Variants in USP25 observed in about 807,000 individuals in gnomAD.
USP25 encodes the protein ubiquitin specific peptidase 25, also known as ubiquitin carboxyl-terminal hydrolase 25.
USP25 carries 85 observed loss-of-function variants against 158.5 expected under a neutral mutation model. The observed-to-expected ratio is 0.54, with a 90% confidence interval of 0.45 to 0.64. The LOEUF is 0.64. Among genes scored for constraint, USP25 ranks in the 30% least tolerant of loss-of-function variants. The pLI, the probability that USP25 is intolerant of heterozygous loss-of-function variation, is 0.00. For synonymous variants in USP25, 464 were observed against 460.4 expected, an observed-to-expected ratio of 1.01 and a Z score of -0.10; for missense variants, 1,242 against 1,327.3, an observed-to-expected ratio of 0.94 and a Z score of 1.00.
At chr21:15,738,334 C>T (rs2031716661) in intron 1 of USP25, among the ~76,000 whole-genome samples, 1 of 152,074 alleles carries the variant, frequency 6.6e-6, no homozygotes, top group Non-Finnish European at 1.5e-5. Context: ...TCTCTCAAAT[C>T]CTCTGTCTTT....
rs1019942265 is a variant in USP25, at chr21:15,805,009, A to G, written c.643-112A>G. 6 of 1,146,752 alleles carry G rather than the reference A, an allele frequency of 5.2e-6. No individual in the cohort carries two copies. The African/African-American group carries it at 6.4e-5, about 12-fold the overall frequency. The allele number at this position is 1,146,752 out of a possible 1,614,324, so 71.0% of individuals were successfully genotyped here. ...ATGATAGAGTGCTAATTCATCCCTAAACTATATTGGCTAGTTTAATTTTTG... is the reference window on the plus strand; with the variant it reads ...ATGATAGAGTGCTAATTCATCCCTAGACTATATTGGCTAGTTTAATTTTTG... On this transcript the variant is annotated intron_variant, in intron 6 of 25. Coordinates refer to ENST00000400183, the MANE Select transcript of USP25 (RefSeq NM_001283041.3).
At position 15,872,020 on chromosome 21, in the gene USP25, T is replaced by G. The variant is rs1368236276; in HGVS notation, c.2885+1873T>G. 1.4e-3 allele frequency among the ~76,000 whole-genome samples: 201 copies of G among 140,068 alleles called. 2 individuals are homozygous for G. The highest frequency in any genetic ancestry group is 4.7e-3 in the African/African-American group (186 of 39,820). The allele number at this position is 140,068 out of a possible 152,430, so 91.9% of individuals were successfully genotyped here. On this transcript the variant is annotated intron_variant, in intron 23 of 25. Transcript: ENST00000400183. ...AAAAAAAGAAAGAAATACTGTTTTT[T>G]TTTTTTTTTTTTTTTTTTTTACTTT...
intron 1 of USP25, among the ~76,000 whole-genome samples, chr21:15,741,051 C>T (rs184460435): frequency 2.6e-5 from 4 of 152,244 alleles, no homozygotes; most frequent in Admixed American, 2.6e-4. Flanking sequence ...GTCATTATTT[C>T]AGGCAACTGT....
intron 15 of USP25, 78 bp from the exon 16 acceptor site, chr21:15,831,323 T>G: frequency 1.2e-5 from 16 of 1,312,694 alleles, no homozygotes; most frequent in Non-Finnish European, 1.6e-5. Flanking sequence ...TCCAAACAGG[T>G]TGTTTGTGGG....
chr21:15,859,986 TCTATA>T (rs1456857074), intron 20 of USP25, among the ~76,000 whole-genome samples: 2 of 138,876 alleles, frequency 1.4e-5, no homozygotes, highest in African/African-American at 5.6e-5. Context: ...TATATATATA[TCTATA>T]TTTTTTTTTT....
chr21:15,814,454 T>C (rs111269546), intron 9 of USP25, among the ~76,000 whole-genome samples: 12,940 of 97,420 alleles, frequency 0.13, 520 homozygotes, highest in Non-Finnish European at 0.15. Flanking sequence ...CAGAAGAAGA[T>C]AGGAAAATGT....
At chr21:15,746,871 A>G (rs1300011156) in intron 1 of USP25, among the ~76,000 whole-genome samples, 1 of 152,232 alleles carries the variant, frequency 6.6e-6, no homozygotes, top group Non-Finnish European at 1.5e-5. Flanking sequence ...AAAATGTTTA[A>G]TAGAAGTGGT....
At chr21:15,732,733 G>T (rs1213147495) in intron 1 of USP25, among the ~76,000 whole-genome samples, 1 of 152,030 alleles carries the variant, frequency 6.6e-6, no homozygotes, top group Non-Finnish European at 1.5e-5. Context: ...CTTTTATTTT[G>T]CAGATGGATG....
intron 14 of USP25, 98 bp from the exon 15 acceptor site, chr21:15,830,433 C>T: frequency 2.0e-6 from 2 of 982,244 alleles, no homozygotes; most frequent in Non-Finnish European, 1.5e-6. Context: ...GAAAATTTTC[C>T]TATTCCTCTA....
chr21:15,731,964 T>A, intron 1 of USP25, among the ~76,000 whole-genome samples: 1 of 152,228 alleles, frequency 6.6e-6, no homozygotes. Flanking sequence ...AATTTTTCAC[T>A]TCCTAAGTTT....
chr21:15,811,058 AT>A, intron 8 of USP25, 78 bp from the exon 9 acceptor site: 1 of 1,275,652 alleles, frequency 7.8e-7, no homozygotes, highest in Non-Finnish European at 1.1e-6. Flanking sequence ...GTCTTGTCAT[AT>A]GTTATAGTTC....
intron 6 of USP25, 24 bp downstream of exon 6, chr21:15,799,867 A>G (rs771217421): frequency 2.0e-5 from 31 of 1,553,350 alleles, no homozygotes; most frequent in Non-Finnish European, 2.6e-5. Flanking sequence ...GATTTTTTTA[A>G]GCAGTATATA....
At chr21:15,851,570 T>C (rs1483771833) in intron 20 of USP25, among the ~76,000 whole-genome samples, 1 of 152,082 alleles carries the variant, frequency 6.6e-6, no homozygotes, top group Non-Finnish European at 1.5e-5. Flanking sequence ...TCTGCATTTG[T>C]AATATTATTA....
At chr21:15,878,105 A>G (rs1433237019) in intron 25 of USP25, 114 bp downstream of exon 25, 1 of 1,030,088 alleles carries the variant, frequency 9.7e-7, no homozygotes. Context: ...AAGTATTAAT[A>G]TTTTCACATT....
At chr21:15,863,412 C>T (rs1376308008) in intron 20 of USP25, among the ~76,000 whole-genome samples, 1 of 151,942 alleles carries the variant, frequency 6.6e-6, no homozygotes, top group Non-Finnish European at 1.5e-5. Context: ...ATAATTATAA[C>T]CCCGGGGCTT....
chr21:15,820,707 A>G (rs1347943010), intron 10 of USP25, among the ~76,000 whole-genome samples: 2 of 152,034 alleles, frequency 1.3e-5, no homozygotes, highest in Non-Finnish European at 2.9e-5. Flanking sequence ...TGAATCTCTA[A>G]AAGCCAGTAA....
At chr21:15,846,149 T>C in intron 18 of USP25, among the ~76,000 whole-genome samples, 1 of 69,796 alleles carries the variant, frequency 1.4e-5, no homozygotes, top group African/African-American at 9.5e-5. Flanking sequence ...TATATATATA[T>C]ATATATATAT....
intron 20 of USP25, among the ~76,000 whole-genome samples, chr21:15,853,938 ATG>A (rs752242947): frequency 2.0e-5 from 3 of 152,112 alleles, no homozygotes; most frequent in Non-Finnish European, 1.5e-5. Flanking sequence ...AGTTATTGGC[ATG>A]TTTAAATATT....
intron 17 of USP25, among the ~76,000 whole-genome samples, chr21:15,835,202 G>C (rs965993973): frequency 1.3e-5 from 2 of 152,110 alleles, no homozygotes; most frequent in African/African-American, 2.4e-5. Context: ...AGACACAGGT[G>C]AATCCTCCAT....
Sources: gnomAD v4.1 joint callset for allele counts (sites outside exome capture counted in the v4.1 genomes callset) on GRCh38, gnomAD v4.1.1 for gene constraint, MANE v1.5 for transcripts, NCBI Gene and HGNC (gene_info 2026-07-23, HGNC 2026-07-21) for gene names.